BRSK2: variants seen among roughly 807,000 people sequenced by gnomAD.
BRSK2 encodes the protein BR serine/threonine kinase 2, also known as serine/threonine-protein kinase BRSK2.
In BRSK2, 19 loss-of-function variants were observed where a neutral mutation model predicts 83.3. The ratio of observed to expected loss-of-function variants is 0.23; its 90% CI spans 0.16 to 0.33. The LOEUF is 0.33. Among genes scored for constraint, BRSK2 ranks in the 10% least tolerant of loss-of-function variants. The pLI, the probability that BRSK2 is intolerant of heterozygous loss-of-function variation, is 1.00. For synonymous variants in BRSK2, 519 were observed against 435.4 expected, an observed-to-expected ratio of 1.19 and a Z score of -2.39; for missense variants, 798 against 1,042.3, an observed-to-expected ratio of 0.77 and a Z score of 3.23.
chr11:1,415,538 C>G (rs1848013539), intron 1 of BRSK2, among the ~76,000 whole-genome samples: 1 of 152,356 alleles, frequency 6.6e-6, no homozygotes, highest in African/African-American at 2.4e-5. Context: ...GCTTGAGCCA[C>G]TGCACCTGGC....
At chr11:1,396,317 G>GT (rs1846113325) in intron 1 of BRSK2, among the ~76,000 whole-genome samples, 1 of 91,704 alleles carries the variant, frequency 1.1e-5, no homozygotes, top group Non-Finnish European at 2.4e-5. Context: ...GCCGCCTCGA[G>GT]GACTGCATGG....
In BRSK2 at chr11:1,429,589, G is replaced by A. The variant is rs55956186; in HGVS notation, c.92-6451G>A. Among the ~76,000 whole-genome samples, 6 of 143,938 alleles carry A rather than the reference G, an allele frequency of 4.2e-5. No homozygotes were observed. In the South Asian group the frequency reaches 9.3e-4, roughly 22 times the overall value. The allele number at this position is 143,938 out of a possible 152,430, so 94.4% of individuals were successfully genotyped here. A position where few individuals can be genotyped will look rare whatever the true frequency, so the allele number is the denominator to read the frequency against. The stretch of plus-strand genomic sequence containing the variant: ...TTTGCCACTGTGCTCAGCAGTGAGC[G>A]TCTTCTGCGGTCTGGTCAGGTTTTG... On this transcript the variant is annotated intron_variant, in intron 1 of 19. Coordinates refer to ENST00000528841, the MANE Select transcript of BRSK2 (RefSeq NM_001256627.2).
At chr11:1,395,137 C>A (rs1433350432) in intron 1 of BRSK2, among the ~76,000 whole-genome samples, 1 of 152,192 alleles carries the variant, frequency 6.6e-6, no homozygotes, top group Non-Finnish European at 1.5e-5. Context: ...CTGTGGCCTT[C>A]CCCACATCAG....
intron 1 of BRSK2, among the ~76,000 whole-genome samples, chr11:1,426,536 TAG>T (rs1277427919): frequency 3.3e-5 from 5 of 152,024 alleles, no homozygotes; most frequent in Non-Finnish European, 7.4e-5. Context: ...CCCGCAAATG[TAG>T]AGTGTGCAGG....
Position 1,454,440 on chromosome 11 carries a change from G to A in BRSK2, c.1545-45G>A, listed in dbSNP as rs536213499. The A allele has an allele frequency of 8.1e-6, 13 of 1,607,426 alleles. No individual in the cohort carries two copies. The highest frequency in any genetic ancestry group is 6.7e-5 in the East Asian group (3 of 44,776). On this transcript the variant is annotated intron_variant, in intron 15 of 19. Coordinates refer to ENST00000528841, the MANE Select transcript of BRSK2 (RefSeq NM_001256627.2). The surrounding 1 kb of genome is among the most constrained non-coding windows in gnomAD (Gnocchi z 5.2). ...ATTCGAGGGAGGCAGGGGTGTGGAC[G>A]GTGCCACACCTCAATCCTCACAGCC...
In BRSK2 at chr11:1,428,518, C is replaced by T. The variant is rs546573027; in HGVS notation, c.92-7522C>T. 1.5e-4 allele frequency among the ~76,000 whole-genome samples: 23 copies of T among 152,336 alleles called. No homozygotes were observed. In the South Asian group the frequency reaches 2.9e-3, roughly 19 times the overall value. On this transcript the variant is annotated intron_variant, in intron 1 of 19. Transcript: ENST00000528841. The stretch of plus-strand genomic sequence containing the variant: ...GGTGAAGGGGCCCCACTCAAAGCAG[C>T]GCCTGGAGCAAGGCCAGTGCTCCGA...
intron 1 of BRSK2, among the ~76,000 whole-genome samples, chr11:1,414,101 C>T (rs1847845728): frequency 6.6e-6 from 1 of 152,202 alleles, no homozygotes; most frequent in African/African-American, 2.4e-5. Flanking sequence ...AAGAGTTTGC[C>T]TTCAAACATA....
intron 19 of BRSK2, 76 bp downstream of exon 19, chr11:1,459,315 C>G (rs985163912): frequency 5.8e-6 from 9 of 1,553,218 alleles, no homozygotes; most frequent in South Asian, 1.1e-5. Context: ...GTGGCCGCCA[C>G]CTGCCGCCCG....
chr11:1,439,793 T>G (rs982970395), intron 3 of BRSK2, among the ~76,000 whole-genome samples: 1 of 135,726 alleles, frequency 7.4e-6, no homozygotes, highest in African/African-American at 2.8e-5. Flanking sequence ...GCTTCACACC[T>G]TCCCCTGCCC....
intron 12 of BRSK2, among the ~76,000 whole-genome samples, chr11:1,446,511 A>G (rs1172290094): frequency 6.6e-6 from 1 of 152,190 alleles, no homozygotes; most frequent in Non-Finnish European, 1.5e-5. Flanking sequence ...CAGAGCCATC[A>G]GCCCAGCAAG....
chr11:1,426,687 C>T (rs116914926), intron 1 of BRSK2, among the ~76,000 whole-genome samples: 3,583 of 152,260 alleles, frequency 0.024, 57 homozygotes, highest in Non-Finnish European at 0.033. Flanking sequence ...GGTGTCCTCC[C>T]TCCAGGAGGT....
intron 1 of BRSK2, among the ~76,000 whole-genome samples, chr11:1,392,981 G>A (rs745565568): frequency 3.3e-5 from 5 of 152,138 alleles, no homozygotes; most frequent in Non-Finnish European, 7.3e-5. Flanking sequence ...CCTCCTCGCC[G>A]GCTGCTTGGT....
chr11:1,401,703 A>G (rs2134051615), intron 1 of BRSK2, among the ~76,000 whole-genome samples: 1 of 152,354 alleles, frequency 6.6e-6, no homozygotes, highest in African/African-American at 2.4e-5. Flanking sequence ...GTGGGGACAC[A>G]GCAGGGAGTT....
chr11:1,406,819 G>A (rs576403728), intron 1 of BRSK2, among the ~76,000 whole-genome samples: 1 of 152,326 alleles, frequency 6.6e-6, no homozygotes, highest in East Asian at 1.9e-4. Context: ...GAGGAGCCCA[G>A]GCATCTGCTC....
intron 1 of BRSK2, among the ~76,000 whole-genome samples, chr11:1,400,914 C>T (rs1846431275): frequency 6.6e-6 from 1 of 152,262 alleles, no homozygotes; most frequent in Non-Finnish European, 1.5e-5. Flanking sequence ...GGCCCAGTGG[C>T]TGCCGGCGGC....
At chr11:1,421,812 G>T (rs369121608) in intron 1 of BRSK2, among the ~76,000 whole-genome samples, 32 of 152,198 alleles carry the variant, frequency 2.1e-4, no homozygotes, top group African/African-American at 7.2e-4. Context: ...AAGGAACAAG[G>T]CTTCAATGTC....
At chr11:1,398,264 C>G (rs867578527) in intron 1 of BRSK2, among the ~76,000 whole-genome samples, 3 of 152,204 alleles carry the variant, frequency 2.0e-5, no homozygotes, top group Non-Finnish European at 2.9e-5. Context: ...GGCCTCGTGT[C>G]CTCGGCACCC....
chr11:1,396,850 T>C (rs1382482918), intron 1 of BRSK2, among the ~76,000 whole-genome samples: 1 of 152,194 alleles, frequency 6.6e-6, no homozygotes, highest in Non-Finnish European at 1.5e-5. Context: ...CACTGTGCAG[T>C]TCTGGGCCCT....
chr11:1,399,908 T>G (rs1846361405), intron 1 of BRSK2, among the ~76,000 whole-genome samples: 1 of 151,886 alleles, frequency 6.6e-6, no homozygotes, highest in Non-Finnish European at 1.5e-5. Context: ...TGTTTTCACA[T>G]AGCAGAGGAG....
Sources: allele counts gnomAD v4.1 joint callset (sites outside exome capture counted in the v4.1 genomes callset), GRCh38; gene constraint gnomAD v4.1.1; non-coding constraint Gnocchi (gnomAD v3.1); transcripts MANE v1.5; gene names NCBI Gene and HGNC (gene_info 2026-07-23, HGNC 2026-07-21).